SEPTIN3: variants seen among roughly 807,000 people sequenced by gnomAD.
SEPTIN3 encodes neuronal-specific septin-3.
A neutral mutation model predicts 45.1 loss-of-function variants in SEPTIN3; 15 were observed. The observed-to-expected ratio is 0.33, with a 90% CI of 0.22 to 0.51. The LOEUF (loss-of-function observed/expected upper bound fraction) is 0.51, where lower values mean the gene tolerates loss of function less well. Ranked by LOEUF, SEPTIN3 falls within the 20% of genes least tolerant of loss-of-function variation. SEPTIN3 has a pLI of 0.97. For missense variants in SEPTIN3, 289 were observed against 457.2 expected (o/e 0.63, Z 3.35); for synonymous variants, 148 against 164.8 (o/e 0.90, Z 0.78).
chr22:41,972,268 T>C lies in SEPTIN3; in HGVS notation c.776T>C (p.Met259Thr). The C allele has an allele frequency of 1.3e-5, 5 of 399,134 alleles. No homozygotes were observed. Among genetic ancestry groups the C allele is most frequent in the Non-Finnish European group, 2.2e-5 (5 of 226,106 alleles). 24.7% of individuals were successfully genotyped at this position (399,134 alleles called of 1,614,324 possible). ...AACACGACTGTGAATTTGACTGCTA[T>C]GGACACAAGGACAGACGCAGCCAGA... is the stretch of plus-strand genomic sequence containing the variant. Reference protein sequence around the residue: ...RANTTVNLTAMDTRTDAARHL... With the variant: ...RANTTVNLTATDTRTDAARHL... The change falls in exon 2 of 12, where the codon ATG becomes ACG. Residue 259 changes from methionine to threonine, a missense_variant. By Grantham distance (81) the Met-to-Thr change is moderately conservative. Around this residue, in one of 3 missense-constraint regions of SEPTIN3, gnomAD observed 200 missense variants for 315.1 expected, o/e 0.63. Coordinates refer to ENST00000644076, the MANE Select transcript of SEPTIN3 (RefSeq NM_001363845.2).
chr22:41,990,801 C>T (rs369633953), intron 7 of SEPTIN3, among the ~76,000 whole-genome samples: 31 of 144,860 alleles, frequency 2.1e-4, no homozygotes, highest in African/African-American at 5.4e-4. Flanking sequence ...CGGTGGCTCA[C>T]GCCTGTAATC....
At chr22:41,995,367 C>A in intron 11 of SEPTIN3, 1 of 987,446 alleles carries the variant, frequency 1.0e-6, no homozygotes, top group Non-Finnish European at 1.2e-6. Flanking sequence ...ACAAATGGAG[C>A]TCCACCCTTC....
chr22:41,987,773 C>A lies in SEPTIN3; in HGVS notation c.2045+14C>A. On this transcript the variant is annotated intron_variant, in intron 6 of 11. Coordinates refer to ENST00000644076, the MANE Select transcript of SEPTIN3 (RefSeq NM_001363845.2). ...CACAGGACACTCGTATGTACCAACC[C>A]TACCCCTATTGTCAGGCCTGGTCTG... 3 of 1,603,292 alleles carry A rather than the reference C, an allele frequency of 1.9e-6. No individual in the cohort carries two copies. Among genetic ancestry groups the A allele is most frequent in the Non-Finnish European group, 2.6e-6 (3 of 1,171,104 alleles).
intron 2 of SEPTIN3, chr22:41,981,336 C>A (rs1249419928): frequency 3.5e-5 from 11 of 316,408 alleles, no homozygotes; most frequent in Non-Finnish European, 4.1e-5. Context: ...ATGGAGCAGC[C>A]CCTGGGTTAG....
intron 7 of SEPTIN3, among the ~76,000 whole-genome samples, chr22:41,990,697 G>T (rs1172799870): frequency 7.2e-6 from 1 of 139,508 alleles, no homozygotes; most frequent in Non-Finnish European, 1.5e-5. Flanking sequence ...AGTGAGCTGA[G>T]ATCGTGCTAC....
chr22:41,975,222 A>G (rs567842379), intron 2 of SEPTIN3, among the ~76,000 whole-genome samples: 7 of 152,320 alleles, frequency 4.6e-5, no homozygotes, highest in African/African-American at 1.7e-4. Context: ...TGACATGCCT[A>G]AAGTCACACC....
rs1248357667 is a variant in SEPTIN3 at position 41,987,689 on chromosome 22, G to T, written c.1975G>T (p.Ala659Ser). Residue 659 changes from alanine (A) to serine (S), a missense_variant, in exon 6 of 12, where the codon GCC becomes TCC. Coordinates refer to ENST00000644076, the MANE Select transcript of SEPTIN3 (RefSeq NM_001363845.2). ...GTTCCTGAAGGAGGAGGTCAACATCGCCAGGAAGAAACGCATCCCTGACAC... is the reference window on the plus strand; with the variant it reads ...GTTCCTGAAGGAGGAGGTCAACATCTCCAGGAAGAAACGCATCCCTGACAC... ...EKFLKEEVNI[A>S]RKKRIPDTRV... 15 of 1,614,022 alleles carry T rather than the reference G, an allele frequency of 9.3e-6. No individual in the cohort carries two copies. Among genetic ancestry groups the T allele is most frequent in the Non-Finnish European group, 1.3e-5 (15 of 1,179,926 alleles).
At chr22:41,979,875 A>C (rs1482334456) in intron 2 of SEPTIN3, among the ~76,000 whole-genome samples, 1 of 152,098 alleles carries the variant, frequency 6.6e-6, no homozygotes, top group East Asian at 1.9e-4. Flanking sequence ...CCTCCCGCCC[A>C]TCTGCTGCTC....
intron 1 of SEPTIN3, among the ~76,000 whole-genome samples, chr22:41,970,823 A>C (rs2077951168): frequency 6.6e-6 from 1 of 152,130 alleles, no homozygotes. Flanking sequence ...TGGCTTGTTC[A>C]CCAGATAAGC....
Position 41,992,714 on chromosome 22 carries a change from G to A in SEPTIN3, c.2310G>A (p.Val770=), listed in dbSNP as rs568311678. 6.1e-5 allele frequency: 98 copies of A among 1,612,706 alleles called. 1 individual carries two copies. In the South Asian group the frequency reaches 1.0e-3, roughly 17 times the overall value. ...TGGGAAGTGACAAGGAGTACCAAGTGAATGGCAAGAGGGTCCTCGGCCGAA... is the reference window on the plus strand; with the variant it reads ...TGGGAAGTGACAAGGAGTACCAAGTAAATGGCAAGAGGGTCCTCGGCCGAA... ...AVVGSDKEYQ[V]NGKRVLGRKT... Residue 770 remains valine, a synonymous_variant, in exon 9 of 12, where the codon GTG becomes GTA. Transcript: ENST00000644076.
At chr22:41,986,873 G>A (rs1009123609) in intron 4 of SEPTIN3, among the ~76,000 whole-genome samples, 8 of 152,138 alleles carry the variant, frequency 5.3e-5, no homozygotes, top group Admixed American at 2.6e-4. Flanking sequence ...CTATTGGGGA[G>A]GCTGAGGCGA....
At chr22:41,973,284 G>T (rs533166049) in intron 2 of SEPTIN3, among the ~76,000 whole-genome samples, 2 of 152,174 alleles carry the variant, frequency 1.3e-5, no homozygotes, top group Admixed American at 6.5e-5. Flanking sequence ...CACTCTGGGA[G>T]GCTGAGATGG....
intron 3 of SEPTIN3, 93 bp downstream of exon 3, chr22:41,981,929 C>A: frequency 9.1e-7 from 1 of 1,094,076 alleles, no homozygotes; most frequent in Non-Finnish European, 1.3e-6. Flanking sequence ...CCTGGCTCTT[C>A]TAAGATGAGC....
Position 41,998,114 on chromosome 22 carries a change from C to T in SEPTIN3, c.*1147C>T, listed in dbSNP as rs1921091003. Reference sequence around the variant, plus strand: ...CCCAGCCAATCTTACGGTGACATTACAGTTAAATTTCCCAATTGAAAACAA... The same window carrying T: ...CCCAGCCAATCTTACGGTGACATTATAGTTAAATTTCCCAATTGAAAACAA... On this transcript the variant is annotated 3_prime_UTR_variant, in exon 12 of 12. Transcript: ENST00000644076. The T allele has an allele frequency of 6.5e-6, 1 of 152,676 alleles. No individual in the cohort carries two copies. The highest frequency in any genetic ancestry group is 2.1e-4 in the South Asian group (1 of 4,834). The allele number at this position is 152,676 out of a possible 1,614,324, so 9.5% of individuals were successfully genotyped here. A position where few individuals can be genotyped will look rare whatever the true frequency, so the allele number is the denominator to read the frequency against.
At chr22:41,996,620 G>T in intron 11 of SEPTIN3, 1 of 1,193,640 alleles carries the variant, frequency 8.4e-7, no homozygotes, top group Non-Finnish European at 1.0e-6. Flanking sequence ...AAGTTACAGG[G>T]TAGGCACCTG....
At chr22:41,992,160 C>T (rs568033715) in intron 8 of SEPTIN3, among the ~76,000 whole-genome samples, 2 of 152,326 alleles carry the variant, frequency 1.3e-5, no homozygotes, top group South Asian at 4.1e-4. Context: ...GGGAGAATCG[C>T]TTGAGCCCAG....
At position 41,983,146 on chromosome 22, in the gene SEPTIN3, G is replaced by A. The variant is rs117268110; in HGVS notation, c.1696+1310G>A. Among the ~76,000 whole-genome samples, 10 of 152,288 alleles carry A rather than the reference G, an allele frequency of 6.6e-5. No individual in the cohort carries two copies. The East Asian group carries it at 1.9e-3, about 29-fold the overall frequency. On this transcript the variant is annotated intron_variant, in intron 3 of 11. Transcript: ENST00000644076. ...GCTTGCCGTGGCCACCTGACTCTGTGCTGTCAAAGTGCTGACCTGCAGCAA... is the reference window on the plus strand; with the variant it reads ...GCTTGCCGTGGCCACCTGACTCTGTACTGTCAAAGTGCTGACCTGCAGCAA...
chr22:41,988,997 G>GC (rs1472438413), intron 6 of SEPTIN3, among the ~76,000 whole-genome samples: 13 of 151,966 alleles, frequency 8.6e-5, no homozygotes, highest in Non-Finnish European at 1.6e-4. Context: ...ATGGTAGTGC[G>GC]CAACTGTGGT....
At chr22:41,988,636 G>A (rs1046861848) in intron 6 of SEPTIN3, among the ~76,000 whole-genome samples, 37 of 152,150 alleles carry the variant, frequency 2.4e-4, no homozygotes, top group African/African-American at 8.7e-4. Flanking sequence ...CCCCTGGTCA[G>A]AATGAACCAT....
Sources: allele counts gnomAD v4.1 joint callset (sites outside exome capture counted in the v4.1 genomes callset), GRCh38; gene constraint gnomAD v4.1.1; regional missense constraint gnomAD v4.1.1; transcripts MANE v1.5; gene names NCBI Gene and HGNC (gene_info 2026-07-23, HGNC 2026-07-21).